Variants in NTNG1 observed in about 807,000 individuals in gnomAD.
The protein encoded by NTNG1 is netrin-G1.
NTNG1 carries 16 observed loss-of-function variants against 54.0 expected under a neutral mutation model. The ratio of observed to expected loss-of-function variants is 0.30; its 90% CI spans 0.20 to 0.45. The LOEUF is 0.45. NTNG1 is among the 20% of genes least tolerant of loss of function. NTNG1 has a pLI of 1.00. For missense variants in NTNG1, 530 were observed against 678.7 expected (o/e 0.78, Z 2.43); for synonymous variants, 255 against 263.1 (o/e 0.97, Z 0.30).
At chr1:107,336,996 T>A (rs917227036) in intron 3 of NTNG1, among the ~76,000 whole-genome samples, 4 of 151,934 alleles carry the variant, frequency 2.6e-5, no homozygotes, top group Admixed American at 2.6e-4. Context: ...CATGAAAAAA[T>A]TGGAGGGTTT....
intron 2 of NTNG1, among the ~76,000 whole-genome samples, chr1:107,296,628 AT>A (rs2101785503): frequency 6.8e-6 from 1 of 147,998 alleles, no homozygotes; most frequent in South Asian, 2.1e-4. Flanking sequence ...TATTATTTCT[AT>A]GAATATATGA....
chr1:107,377,135 A>G (rs1294212251), intron 3 of NTNG1, among the ~76,000 whole-genome samples: 1 of 152,226 alleles, frequency 6.6e-6, no homozygotes, highest in African/African-American at 2.4e-5. Flanking sequence ...TTTTGGACAC[A>G]TACTTCCTTA....
intron 7 of NTNG1, among the ~76,000 whole-genome samples, chr1:107,480,043 G>T (rs1431723648): frequency 6.6e-6 from 1 of 151,528 alleles, no homozygotes; most frequent in Non-Finnish European, 1.5e-5. Context: ...TCTGGCTGCC[G>T]CCTGCCTGGA....
upstream of NTNG1, chr1:107,140,115 G>GCAGCAGCTGCAGCCGGAGCAGCAC (rs1436544183): frequency 6.5e-6 from 1 of 154,690 alleles, no homozygotes; most frequent in Non-Finnish European, 1.4e-5. Flanking sequence ...TCGTGGAGCG[G>GCAGCAGCTGCAGCCGGAGCAGCAC]CAGCAGCTGC....
At chr1:107,474,288 G>A (rs1272922364) in intron 7 of NTNG1, among the ~76,000 whole-genome samples, 1 of 152,198 alleles carries the variant, frequency 6.6e-6, no homozygotes, top group Non-Finnish European at 1.5e-5. Context: ...TAAGTTTAGA[G>A]TTTTCAGTCT....
At chr1:107,385,554 T>G (rs1034646592) in intron 3 of NTNG1, among the ~76,000 whole-genome samples, 3 of 151,784 alleles carry the variant, frequency 2.0e-5, no homozygotes, top group Non-Finnish European at 4.4e-5. Context: ...ATCTTTATAC[T>G]GGTGACTGTG....
intron 2 of NTNG1, among the ~76,000 whole-genome samples, chr1:107,233,455 G>A (rs1661198470): frequency 1.3e-5 from 2 of 152,150 alleles, no homozygotes; most frequent in Admixed American, 6.5e-5. Flanking sequence ...AAAAAGAAAT[G>A]CAATGTGTAC....
chr1:107,348,620 CCCT>C (rs768862287), intron 3 of NTNG1, among the ~76,000 whole-genome samples: 1 of 152,130 alleles, frequency 6.6e-6, no homozygotes, highest in Non-Finnish European at 1.5e-5. Context: ...TTCATTGTCC[CCCT>C]GATGACAATG....
At chr1:107,237,029 G>T (rs1661462244) in intron 2 of NTNG1, among the ~76,000 whole-genome samples, 1 of 152,206 alleles carries the variant, frequency 6.6e-6, no homozygotes, top group African/African-American at 2.4e-5. Context: ...GATTGGAACA[G>T]TTTGGAGGGC....
At chr1:107,196,389 T>A (rs12144987) in intron 2 of NTNG1, among the ~76,000 whole-genome samples, 7,862 of 152,080 alleles carry the variant, frequency 0.052, 222 homozygotes, top group African/African-American at 0.077. Flanking sequence ...ATATAATGTA[T>A]ATAAACTACT....
At chr1:107,169,845 A>T (rs1022685766) in intron 2 of NTNG1, among the ~76,000 whole-genome samples, 2 of 152,154 alleles carry the variant, frequency 1.3e-5, no homozygotes, top group African/African-American at 4.8e-5. Context: ...GAATTGGTTT[A>T]TGCTATTGTG....
intron 7 of NTNG1, among the ~76,000 whole-genome samples, chr1:107,463,957 A>G (rs1251044155): frequency 1.3e-5 from 2 of 152,182 alleles, no homozygotes. Flanking sequence ...TATTTCCTAG[A>G]CTATATAAAA....
At position 107,283,171 on chromosome 1, in the gene NTNG1, C is replaced by A. The variant is rs547400950; in HGVS notation, c.247-41111C>A. Among the ~76,000 whole-genome samples, 15 of 152,300 alleles carry A rather than the reference C, an allele frequency of 9.8e-5. No homozygotes were observed. In the East Asian group the frequency reaches 2.9e-3, roughly 29 times the overall value. Reference sequence around the variant, plus strand: ...TTTTTGCCTTTTACTCTGAGAGTAGCACCCAGTCTTTCCCAGAGATAACCT... The same window carrying A: ...TTTTTGCCTTTTACTCTGAGAGTAGAACCCAGTCTTTCCCAGAGATAACCT... On this transcript the variant is annotated intron_variant, in intron 2 of 7. Coordinates refer to ENST00000370068, the MANE Select transcript of NTNG1 (RefSeq NM_001113226.3).
intron 2 of NTNG1, among the ~76,000 whole-genome samples, chr1:107,213,024 G>A (rs1659695712): frequency 6.6e-6 from 1 of 151,402 alleles, no homozygotes; most frequent in African/African-American, 2.4e-5. Context: ...AAGATTTATA[G>A]TCGAACATAT....
intron 3 of NTNG1, among the ~76,000 whole-genome samples, chr1:107,351,338 T>C (rs1669585339): frequency 6.6e-6 from 1 of 152,166 alleles, no homozygotes; most frequent in Admixed American, 6.5e-5. Flanking sequence ...AAAGAAAAGA[T>C]GTTCAATTGA....
chr1:107,331,126 CT>C (rs1459589755), intron 3 of NTNG1, among the ~76,000 whole-genome samples: 2 of 152,044 alleles, frequency 1.3e-5, no homozygotes, highest in African/African-American at 4.8e-5. Context: ...GTGACTTTTT[CT>C]TTAACGTCAC....
At chr1:107,154,980 G>A (rs1654876693) in intron 2 of NTNG1, among the ~76,000 whole-genome samples, 2 of 151,964 alleles carry the variant, frequency 1.3e-5, no homozygotes, top group Non-Finnish European at 2.9e-5. Flanking sequence ...GCTTTGCAGT[G>A]GAATACTGAA....
In NTNG1 at chr1:107,177,398, G is replaced by A. The variant is rs867186690; in HGVS notation, c.246+28559G>A. 3.3e-5 allele frequency among the ~76,000 whole-genome samples: 5 copies of A among 151,510 alleles called. No homozygotes were observed. The East Asian group carries it at 7.8e-4, about 24-fold the overall frequency. On this transcript the variant is annotated intron_variant, in intron 2 of 7. Transcript: ENST00000370068. ...CACCCAGGCTAGAGTGCAGTGGCAC[G>A]ATCTCAGCTCACTGCAACCTCCGCC...
intron 3 of NTNG1, among the ~76,000 whole-genome samples, chr1:107,345,048 G>A (rs1048287659): frequency 5.3e-5 from 8 of 152,152 alleles, no homozygotes; most frequent in Non-Finnish European, 1.0e-4. Context: ...AATGTTGCTT[G>A]TAATATTTTT....
Sources: gnomAD v4.1 joint callset for allele counts (sites outside exome capture counted in the v4.1 genomes callset) on GRCh38, gnomAD v4.1.1 for gene constraint, MANE v1.5 for transcripts, NCBI Gene and HGNC (gene_info 2026-07-23, HGNC 2026-07-21) for gene names.